The following MCM10 variants were observed in gnomAD, a reference collection of about 807,000 sequenced individuals.
MCM10 encodes minichromosome maintenance 10 replication initiation factor, also known as protein MCM10 homolog.
In MCM10, 91 loss-of-function variants were observed where a neutral mutation model predicts 109.9. The ratio of observed to expected loss-of-function variants is 0.83; its 90% CI spans 0.70 to 0.99. The LOEUF (loss-of-function observed/expected upper bound fraction) is 0.99. Among genes scored for constraint, MCM10 ranks in the 50% least tolerant of loss-of-function variants. The probability of loss-of-function intolerance (pLI) is 0.00; values close to 1 mark genes in which losing one functional copy is unlikely to be tolerated. For missense variants in MCM10, 1,077 were observed against 1,061.2 expected (o/e 1.01, Z -0.21); for synonymous variants, 380 against 387.2 (o/e 0.98, Z 0.22).
At chr10:13,173,391 C>G (rs1189174260) in intron 5 of MCM10, among the ~76,000 whole-genome samples, 1 of 152,014 alleles carries the variant, frequency 6.6e-6, no homozygotes, top group Non-Finnish European at 1.5e-5. Context: ...GAAGCCAGGT[C>G]GTATCAAATC....
intron 6 of MCM10, among the ~76,000 whole-genome samples, chr10:13,176,987 C>T (rs1834149627): frequency 6.6e-6 from 1 of 152,170 alleles, no homozygotes; most frequent in South Asian, 2.1e-4. Context: ...CTCTAAGAAA[C>T]AGAATACAGC....
chr10:13,208,582 A>AAAAT (rs1554777167), intron 18 of MCM10, among the ~76,000 whole-genome samples: 2 of 147,548 alleles, frequency 1.4e-5, no homozygotes, highest in Admixed American at 6.7e-5. Context: ...AAAAAAAAAA[A>AAAAT]GGAAAAGAAA....
intron 14 of MCM10, among the ~76,000 whole-genome samples, chr10:13,196,443 T>C (rs904786697): frequency 6.6e-6 from 1 of 152,184 alleles, no homozygotes; most frequent in African/African-American, 2.4e-5. Context: ...ACAATAACCA[T>C]GGCACATGTC....
At chr10:13,206,140 C>T (rs952723126) in intron 18 of MCM10, among the ~76,000 whole-genome samples, 4 of 152,158 alleles carry the variant, frequency 2.6e-5, no homozygotes, top group African/African-American at 4.8e-5. Context: ...GCTCTGCAGC[C>T]GTTTTTATTT....
chr10:13,172,233 T>A lies in MCM10; in HGVS notation c.350-143T>A. 2 of 656,058 alleles carry A rather than the reference T, an allele frequency of 3.0e-6. No homozygotes were observed. The highest frequency in any genetic ancestry group is 2.7e-6 in the Non-Finnish European group (1 of 363,896). 40.6% of individuals were successfully genotyped at this position (656,058 alleles called of 1,614,324 possible). ...GACCTCTTTGAAGTACCAAAGTTAA[T>A]CATGAGCTTTGGGTATGTGATTATA... On this transcript the variant is annotated intron_variant, in intron 3 of 19. Transcript: ENST00000378714. The surrounding 1 kb of genome is among the most constrained non-coding windows in gnomAD (Gnocchi z 5.2).
chr10:13,170,783 T>C (rs1202186752), intron 2 of MCM10, 139 bp from the exon 3 acceptor site: 5 of 652,674 alleles, frequency 7.7e-6, no homozygotes, highest in Non-Finnish European at 1.3e-5. Context: ...GGAGTATGGT[T>C]GAACCCATCA....
At chr10:13,184,184 G>C (rs1273285863) in intron 8 of MCM10, among the ~76,000 whole-genome samples, 1 of 151,944 alleles carries the variant, frequency 6.6e-6, no homozygotes, top group African/African-American at 2.4e-5. Context: ...GTAGAGACAG[G>C]GTTTCACTAT....
chr10:13,188,987 A>T lies in MCM10; in HGVS notation c.1322A>T (p.Lys441Met), dbSNP rs1244732104. The change falls in exon 10 of 20, where the codon AAG (lysine) becomes ATG (methionine). Residue 441 changes from lysine (K) to methionine (M), a missense_variant. Physicochemically the swap from Lys to Met is moderately conservative, Grantham distance 95 (BLOSUM62 -1). Coordinates refer to ENST00000378714, the MANE Select transcript of MCM10 (RefSeq NM_018518.5). ...STFSGGRIPKKFARRGTSLKE... is the reference protein window; with the variant it reads ...STFSGGRIPKMFARRGTSLKE... The stretch of plus-strand genomic sequence containing the variant: ...TTCTCTGGAGGACGAATTCCAAAGA[A>T]GTTTGCCCGCAGAGGCACCAGCCTC... 1 of 1,614,120 alleles carries T rather than the reference A, an allele frequency of 6.2e-7. No homozygotes were observed. Among genetic ancestry groups the T allele is most frequent in the African/African-American group, 1.3e-5 (1 of 74,948 alleles).
intron 15 of MCM10, among the ~76,000 whole-genome samples, chr10:13,198,250 T>C (rs1489678461): frequency 6.6e-6 from 1 of 152,154 alleles, no homozygotes; most frequent in East Asian, 1.9e-4. Flanking sequence ...TGGGCACAAT[T>C]TGAATACTTG....
intron 13 of MCM10, among the ~76,000 whole-genome samples, chr10:13,193,561 A>G (rs1354181086): frequency 2.0e-5 from 3 of 152,148 alleles, no homozygotes; most frequent in Admixed American, 2.0e-4. Flanking sequence ...ACCTTTTGCC[A>G]TCCCGAATCT....
chr10:13,206,136 C>T (rs1271729168), intron 18 of MCM10, among the ~76,000 whole-genome samples: 1 of 152,208 alleles, frequency 6.6e-6, no homozygotes, highest in African/African-American at 2.4e-5. Context: ...GCTTGCTCTG[C>T]AGCCGTTTTT....
intron 19 of MCM10, 35 bp downstream of exon 19, chr10:13,209,168 T>C: frequency 6.2e-7 from 1 of 1,604,834 alleles, no homozygotes; most frequent in African/African-American, 1.3e-5. Context: ...TGACTCCTTT[T>C]AGTGACCCAT....
Position 13,164,176 on chromosome 10 carries a change from T to G in MCM10, c.-27T>G, listed in dbSNP as rs1330071690. ...GGGCATCTGAGCCTCCTTCGAAGTT[T>G]CCTGTCACAACTGTCCTCTTGACAG... On this transcript the variant is annotated 5_prime_UTR_variant, in exon 2 of 20. Transcript: ENST00000378714. 6.3e-7 allele frequency: 1 copy of G among 1,577,874 alleles called. No individual in the cohort carries two copies. The highest frequency in any genetic ancestry group is 8.6e-7 in the Non-Finnish European group (1 of 1,168,864).
In MCM10 at chr10:13,195,214, A is replaced by G. The variant is rs777413226; in HGVS notation, c.1919A>G (p.Tyr640Cys). ...TTGGAAGGAGATGATGTTCTCTTTTATGATGAGTCACCACCACCAAGACCA... is the reference window on the plus strand; with the variant it reads ...TTGGAAGGAGATGATGTTCTCTTTTGTGATGAGTCACCACCACCAAGACCA... Reference protein sequence around the residue: ...GVLEGDDVLFYDESPPPRPKL... With the variant: ...GVLEGDDVLFCDESPPPRPKL... The change falls in exon 14 of 20, where the codon TAT becomes TGT. Residue 640 changes from tyrosine to cysteine, a missense_variant. Coordinates refer to ENST00000378714, the MANE Select transcript of MCM10 (RefSeq NM_018518.5). 3.8e-5 allele frequency: 62 copies of G among 1,612,468 alleles called. No individual in the cohort carries two copies. The highest frequency in any genetic ancestry group is 4.4e-5 in the Non-Finnish European group (52 of 1,179,354).
At chr10:13,170,560 T>G (rs1038069489) in intron 2 of MCM10, among the ~76,000 whole-genome samples, 1 of 152,234 alleles carries the variant, frequency 6.6e-6, no homozygotes, top group Non-Finnish European at 1.5e-5. Flanking sequence ...CTCTACTCAC[T>G]AAGCAGTATT....
At chr10:13,190,995 A>AT (rs1213346825) in intron 10 of MCM10, among the ~76,000 whole-genome samples, 1 of 152,166 alleles carries the variant, frequency 6.6e-6, no homozygotes, top group Non-Finnish European at 1.5e-5. Context: ...ATAATCCTTA[A>AT]TTATTTTAAG....
At chr10:13,179,605 C>T (rs536054542) in intron 6 of MCM10, among the ~76,000 whole-genome samples, 28 of 152,214 alleles carry the variant, frequency 1.8e-4, no homozygotes, top group African/African-American at 5.1e-4. Context: ...AAATATATAA[C>T]GCTATCAAAG....
intron 16 of MCM10, among the ~76,000 whole-genome samples, chr10:13,199,822 C>G (rs926814652): frequency 6.6e-6 from 1 of 152,056 alleles, no homozygotes; most frequent in Non-Finnish European, 1.5e-5. Flanking sequence ...TAGCATGGAC[C>G]TATTTCTTTG....
intron 2 of MCM10, among the ~76,000 whole-genome samples, chr10:13,170,049 G>C (rs369154912): frequency 2.0e-5 from 3 of 152,192 alleles, no homozygotes; most frequent in African/African-American, 7.2e-5. Flanking sequence ...AAGCAATGTT[G>C]AATGAACCTG....
Sources: gnomAD v4.1 joint callset for allele counts (sites outside exome capture counted in the v4.1 genomes callset) on GRCh38, gnomAD v4.1.1 for gene constraint, Gnocchi (gnomAD v3.1) non-coding constraint, MANE v1.5 for transcripts, NCBI Gene and HGNC (gene_info 2026-07-23, HGNC 2026-07-21) for gene names.